The following RBFOX1 variants were observed in gnomAD, a reference collection of about 807,000 sequenced individuals.
RBFOX1 encodes RNA binding fox-1 homolog 1, also known as RNA binding protein fox-1 homolog 1.
A neutral mutation model predicts 57.7 loss-of-function variants in RBFOX1; 8 were observed. The ratio of observed to expected loss-of-function variants is 0.14; its 90% CI spans 0.08 to 0.25. The LOEUF (loss-of-function observed/expected upper bound fraction) is 0.25. Ranked by LOEUF, RBFOX1 falls within the 10% of genes least tolerant of loss-of-function variation. The pLI is 1.00. For missense variants in RBFOX1, 611 were observed against 548.5 expected (o/e 1.11, Z -1.14); for synonymous variants, 326 against 222.4 (o/e 1.47, Z -4.15).
intron 3 of RBFOX1, among the ~76,000 whole-genome samples, chr16:7,009,440 G>C (rs2093540481): frequency 6.6e-6 from 1 of 151,918 alleles, no homozygotes; most frequent in Non-Finnish European, 1.5e-5. Flanking sequence ...AAACCCTGCA[G>C]ATCACTAACA....
intron 4 of RBFOX1, among the ~76,000 whole-genome samples, chr16:5,928,950 C>T (rs1476784): frequency 0.17 from 25,954 of 150,954 alleles, 2,581 homozygotes; most frequent in Non-Finnish European, 0.22. Context: ...CAGGGATGCT[C>T]GCCTCAAAAG....
rs973182372 is a variant in RBFOX1, at chr16:7,505,076, G to C, written c.28-13071G>C. 1.5e-4 allele frequency among the ~76,000 whole-genome samples: 22 copies of C among 151,458 alleles called. No individual in the cohort carries two copies. The East Asian group carries it at 3.2e-3, about 22-fold the overall frequency. On this transcript the variant is annotated intron_variant, in intron 4 of 15. Transcript: ENST00000550418. The stretch of plus-strand genomic sequence containing the variant: ...CTTGCTCTCAGTGCCCCGAGGTGCT[G>C]AGTGAGTCAGAACATGTCTCAGTAC...
intron 4 of RBFOX1, among the ~76,000 whole-genome samples, chr16:7,483,728 A>G (rs975533685): frequency 1.3e-4 from 20 of 152,216 alleles, no homozygotes; most frequent in African/African-American, 4.6e-4. Context: ...ACCCAAGACA[A>G]CAGGTTACTG....
At chr16:6,227,517 G>A (rs1208034560) in intron 1 of RBFOX1, among the ~76,000 whole-genome samples, 1 of 152,116 alleles carries the variant, frequency 6.6e-6, no homozygotes, top group East Asian at 1.9e-4. Flanking sequence ...CAGTGATACA[G>A]AAGTGGAAGT....
chr16:7,050,739 T>C (rs1568544714), intron 3 of RBFOX1, among the ~76,000 whole-genome samples: 1 of 152,252 alleles, frequency 6.6e-6, no homozygotes. Flanking sequence ...TATGCCATAC[T>C]ATCAGTATAC....
chr16:6,937,080 C>A (rs146201929), intron 3 of RBFOX1, among the ~76,000 whole-genome samples: 2 of 151,854 alleles, frequency 1.3e-5, no homozygotes, highest in Non-Finnish European at 2.9e-5. Flanking sequence ...TACCCTAAAA[C>A]TTAAAGTATG....
At chr16:7,558,466 ATAG>A (rs1338568268) in intron 5 of RBFOX1, among the ~76,000 whole-genome samples, 1 of 152,004 alleles carries the variant, frequency 6.6e-6, no homozygotes, top group Non-Finnish European at 1.5e-5. Flanking sequence ...ATATACATGT[ATAG>A]TACATAAATA....
chr16:5,585,614 C>T (rs1043466777), intron 2 of RBFOX1, among the ~76,000 whole-genome samples: 3 of 152,150 alleles, frequency 2.0e-5, no homozygotes, highest in African/African-American at 7.2e-5. Context: ...TATGGGATAT[C>T]CCGATGAAAG....
intron 5 of RBFOX1, among the ~76,000 whole-genome samples, chr16:7,578,477 C>T (rs1272998598): frequency 2.0e-5 from 3 of 152,138 alleles, no homozygotes; most frequent in Non-Finnish European, 2.9e-5. Flanking sequence ...CAAATGAAAC[C>T]TTCCAGTACA....
intron 2 of RBFOX1, among the ~76,000 whole-genome samples, chr16:5,517,204 G>A (rs892470823): frequency 1.3e-5 from 2 of 152,154 alleles, no homozygotes; most frequent in Admixed American, 6.5e-5. Flanking sequence ...TTTGTTGAAA[G>A]GAGATTGGTG....
At chr16:6,750,076 C>T (rs2074621340) in intron 3 of RBFOX1, among the ~76,000 whole-genome samples, 1 of 152,116 alleles carries the variant, frequency 6.6e-6, no homozygotes, top group Non-Finnish European at 1.5e-5. Flanking sequence ...ATTAAGATTT[C>T]AGTCGAGGTG....
intron 1 of RBFOX1, among the ~76,000 whole-genome samples, chr16:6,224,289 C>T (rs986182746): frequency 1.3e-5 from 2 of 151,608 alleles, no homozygotes; most frequent in Non-Finnish European, 1.5e-5. Context: ...CTATAAATTA[C>T]CTTGGGCAGT....
At chr16:7,195,062 A>T (rs1048696759) in intron 4 of RBFOX1, among the ~76,000 whole-genome samples, 2 of 152,196 alleles carry the variant, frequency 1.3e-5, no homozygotes, top group Non-Finnish European at 2.9e-5. Flanking sequence ...AAAACTTTAA[A>T]AAATTATACT....
intron 3 of RBFOX1, among the ~76,000 whole-genome samples, chr16:6,927,321 G>A (rs996133542): frequency 3.4e-5 from 5 of 145,728 alleles, no homozygotes; most frequent in Admixed American, 7.2e-5. Context: ...GTTGAGGCAC[G>A]AGAATCGCTG....
At chr16:7,115,928 T>C (rs2065812145) in intron 4 of RBFOX1, among the ~76,000 whole-genome samples, 1 of 152,158 alleles carries the variant, frequency 6.6e-6, no homozygotes, top group South Asian at 2.1e-4. Flanking sequence ...GCAATGACAC[T>C]TATTGGGGGC....
At chr16:7,403,562 T>TCCC (rs33991020) in intron 4 of RBFOX1, among the ~76,000 whole-genome samples, 119 of 114,682 alleles carry the variant, frequency 1.0e-3, no homozygotes, top group East Asian at 2.9e-3. Context: ...AATGAGAGAA[T>TCCC]CCCCCCCCCC....
chr16:6,768,010 A>T (rs2077653162), intron 3 of RBFOX1, among the ~76,000 whole-genome samples: 1 of 150,904 alleles, frequency 6.6e-6, no homozygotes, highest in African/African-American at 2.5e-5. Flanking sequence ...AACTGGACAA[A>T]ACTGGGAGTA....
intron 4 of RBFOX1, among the ~76,000 whole-genome samples, chr16:7,354,575 A>G (rs1465792710): frequency 2.0e-5 from 3 of 152,210 alleles, no homozygotes; most frequent in African/African-American, 4.8e-5. Context: ...AAGGCCACCA[A>G]TGTGAAATGC....
intron 4 of RBFOX1, among the ~76,000 whole-genome samples, chr16:7,354,366 T>A (rs1022175493): frequency 1.3e-5 from 2 of 152,218 alleles, no homozygotes; most frequent in Non-Finnish European, 2.9e-5. Context: ...ATTCTTTCTA[T>A]TACCTGTGTT....
Sources: allele counts gnomAD v4.1 joint callset (sites outside exome capture counted in the v4.1 genomes callset), GRCh38; gene constraint gnomAD v4.1.1; transcripts MANE v1.5; gene names NCBI Gene and HGNC (gene_info 2026-07-23, HGNC 2026-07-21).